The following FRMD7 variants were observed in gnomAD, a reference collection of about 807,000 sequenced individuals.
FRMD7 encodes FERM domain-containing protein 7.
A neutral mutation model predicts 44.1 loss-of-function variants in FRMD7; 14 were observed. That is an observed-to-expected ratio of 0.32 (90% CI 0.21 to 0.50). The LOEUF (loss-of-function observed/expected upper bound fraction) is 0.50. FRMD7 is among the 20% of genes least tolerant of loss of function. The pLI is 0.99. For synonymous variants in FRMD7, 212 were observed against 187.4 expected (o/e 1.13, Z -1.07); for missense variants, 501 against 522.3 (o/e 0.96, Z 0.40).
chrX:132,104,550 G>A (rs773229714), intron 1 of FRMD7, among the ~76,000 whole-genome samples: 1 of 111,171 alleles, frequency 9.0e-6, no homozygotes, highest in African/African-American at 3.3e-5. Context: ...AAAATTAGCT[G>A]TGCGTGGTGG....
chrX:132,090,808 C>A (rs1010846526), intron 5 of FRMD7, among the ~76,000 whole-genome samples: 1 of 111,438 alleles, frequency 9.0e-6, no homozygotes, highest in East Asian at 2.8e-4. Context: ...CCCACGTTGA[C>A]CCTAAGAAAA....
intron 1 of FRMD7, among the ~76,000 whole-genome samples, chrX:132,113,333 G>A (rs768059273): frequency 4.9e-4 from 55 of 111,579 alleles, no homozygotes; most frequent in African/African-American, 1.7e-3. Flanking sequence ...GAGATACCCA[G>A]GACAAAACAG....
At chrX:132,099,800 C>G (rs765125557) in intron 2 of FRMD7, among the ~76,000 whole-genome samples, 1 of 111,957 alleles carries the variant, frequency 8.9e-6, no homozygotes, top group South Asian at 3.7e-4. Flanking sequence ...ATACATGGCT[C>G]ATTAGTTGCT....
At chrX:132,120,578 C>G (rs1046227302) in intron 1 of FRMD7, among the ~76,000 whole-genome samples, 4 of 112,815 alleles carry the variant, frequency 3.5e-5, no homozygotes, top group African/African-American at 1.3e-4. Context: ...GTTCGGGTTC[C>G]CTCCTCCTTT....
Position 132,123,244 on chromosome X carries a change from CG to C in FRMD7, c.57+4543del, listed in dbSNP as rs749546489. On this transcript the variant is annotated intron_variant, in intron 1 of 11. Coordinates refer to ENST00000298542, the MANE Select transcript of FRMD7 (RefSeq NM_194277.3). ...TCAAATAGCCTAAGTGACTTACCCA[CG>C]GCTCCACAGCTTGTCAGTGGCAGAG... 1.5e-3 allele frequency among the ~76,000 whole-genome samples: 171 copies of C among 111,791 alleles called. 2 individuals are homozygous for C. Among genetic ancestry groups the C allele is most frequent in the African/African-American group, 5.1e-3 (157 of 30,772 alleles).
intron 1 of FRMD7, 29 bp downstream of exon 1, chrX:132,127,759 G>A (rs1217399336): frequency 9.0e-7 from 1 of 1,106,873 alleles, no homozygotes; most frequent in Admixed American, 2.2e-5. Context: ...GAATAATAAA[G>A]GAATAATAGC....
rs1927628493 is a variant in FRMD7, at chrX:132,077,171, T to C, written c.*701A>G. On this transcript the variant is annotated 3_prime_UTR_variant, in exon 12 of 12. Transcript: ENST00000298542. ...TTACTAGATATAGTAGATAAGAATA[T>C]AGAAGTTATAAGTAAAACAACATGA... is the stretch of plus-strand genomic sequence containing the variant. 1 of 111,585 alleles carries C rather than the reference T, an allele frequency of 9.0e-6. No individual in the cohort carries two copies. Among genetic ancestry groups the C allele is most frequent in the African/African-American group, 3.3e-5 (1 of 30,701 alleles). 9.2% of individuals were successfully genotyped at this position (111,585 alleles called of 1,213,427 possible).
At chrX:132,097,034 C>A (rs1183475371) in intron 4 of FRMD7, among the ~76,000 whole-genome samples, 2 of 110,842 alleles carry the variant, frequency 1.8e-5, no homozygotes, top group Non-Finnish European at 3.8e-5. Flanking sequence ...CAAGTGGATA[C>A]CCAGGCTTGA....
chrX:132,095,860 GA>G (rs1464525196), intron 4 of FRMD7, among the ~76,000 whole-genome samples: 1 of 112,437 alleles, frequency 8.9e-6, no homozygotes, highest in African/African-American at 3.2e-5. Flanking sequence ...GTTGCTAAAG[GA>G]AAGGTGAATT....
At chrX:132,125,082 C>T (rs1023273995) in intron 1 of FRMD7, among the ~76,000 whole-genome samples, 2 of 111,232 alleles carry the variant, frequency 1.8e-5, no homozygotes, top group Non-Finnish European at 3.8e-5. Context: ...CCCCAGTGTC[C>T]CCAATCCCAC....
intron 11 of FRMD7, among the ~76,000 whole-genome samples, chrX:132,079,324 T>C (rs748601782): frequency 2.7e-5 from 3 of 111,536 alleles, no homozygotes; most frequent in East Asian, 5.6e-4. Flanking sequence ...TAGACAAGTC[T>C]CCTAACCTTG....
At chrX:132,111,048 G>A (rs1232120917) in intron 1 of FRMD7, among the ~76,000 whole-genome samples, 1 of 111,168 alleles carries the variant, frequency 9.0e-6, no homozygotes, top group Non-Finnish European at 1.9e-5. Context: ...GCTGGACATG[G>A]TGGTGCATCC....
intron 1 of FRMD7, among the ~76,000 whole-genome samples, chrX:132,105,457 C>T (rs1928619911): frequency 9.0e-6 from 1 of 111,549 alleles, no homozygotes; most frequent in Non-Finnish European, 1.9e-5. Context: ...AGATTCAATG[C>T]AATTCCCATC....
rs756834533 is a variant in FRMD7, at chrX:132,080,185, C to T, written c.974+13G>A. On this transcript the variant is annotated intron_variant, in intron 10 of 11. Transcript: ENST00000298542. ...ATAAAATCAACACGAGCAAGAGAAA[C>T]AAAATCATGTACCTTTCAAATGGCA... 8 of 1,190,385 alleles carry T rather than the reference C, an allele frequency of 6.7e-6. No individual in the cohort carries two copies. In the East Asian group the frequency reaches 2.4e-4, roughly 35 times the overall value.
chrX:132,115,839 C>T (rs192311292), intron 1 of FRMD7, among the ~76,000 whole-genome samples: 7 of 111,289 alleles, frequency 6.3e-5, no homozygotes, highest in East Asian at 5.6e-4. Context: ...AACAGGTTCA[C>T]GGTGGCTTCC....
At chrX:132,127,642 A>G (rs1193015416) in intron 1 of FRMD7, 146 bp downstream of exon 1, 1 of 531,842 alleles carries the variant, frequency 1.9e-6, no homozygotes, top group Admixed American at 2.5e-5. Context: ...GATGTTAAAT[A>G]CAGATTATTT....
At position 132,100,686 on chromosome X, in the gene FRMD7, G is replaced by A; in HGVS notation, c.88C>T (p.Leu30=). The change falls in exon 2 of 12, where the codon CTG becomes TTG. Residue 30 remains leucine (L), a synonymous_variant. Coordinates refer to ENST00000298542, the MANE Select transcript of FRMD7 (RefSeq NM_194277.3). ...QKSSGKALFN[L]SCSHLNLAEK... is the part of the protein sequence containing the mutation. ...GCAAGATTTAGATGGCTGCAACTCAGGTTAAACAATGCCTTCCCGGATGAC... is the reference window on the plus strand; with the variant it reads ...GCAAGATTTAGATGGCTGCAACTCAAGTTAAACAATGCCTTCCCGGATGAC... The A allele has an allele frequency of 8.3e-7, 1 of 1,206,284 alleles. No homozygotes were observed. Among genetic ancestry groups the A allele is most frequent in the Non-Finnish European group, 1.1e-6 (1 of 890,655 alleles).
rs773577568 is a variant in FRMD7 at position 132,078,587 on chromosome X, T to A, written c.1430A>T (p.Asp477Val). The change falls in exon 12 of 12, where the codon GAT becomes GTT. Residue 477 changes from aspartate to valine, a missense_variant. Asp to Val is a radical substitution (Grantham distance 152). This residue lies in a region of FRMD7 where 453 missense variants were observed against 452.7 expected (regional missense o/e 1.00). Transcript: ENST00000298542. ...VRPAKQLTYT[D>V]VPYIPCTGQQ... ...ACCTGTACAAGGAATATAGGGCACA[T>A]CCGTGTAAGTTAGCTGCTTTGCTGG... 4.1e-6 allele frequency: 5 copies of A among 1,211,400 alleles called. No individual in the cohort carries two copies. Among genetic ancestry groups the A allele is most frequent in the Non-Finnish European group, 5.6e-6 (5 of 895,206 alleles).
chrX:132,093,533 G>A (rs1928242398), intron 5 of FRMD7, among the ~76,000 whole-genome samples: 1 of 112,631 alleles, frequency 8.9e-6, no homozygotes, highest in East Asian at 2.8e-4. Context: ...TGGTTGTTAG[G>A]ATATGGGGAA....
Sources: allele counts gnomAD v4.1 joint callset (sites outside exome capture counted in the v4.1 genomes callset), GRCh38; gene constraint gnomAD v4.1.1; regional missense constraint gnomAD v4.1.1; transcripts MANE v1.5; gene names NCBI Gene and HGNC (gene_info 2026-07-23, HGNC 2026-07-21).